BRDT: variants seen among roughly 807,000 people sequenced by gnomAD.
BRDT encodes bromodomain testis associated, also known as bromodomain testis-specific protein.
In BRDT, 77 loss-of-function variants were observed where a neutral mutation model predicts 113.9. The ratio of observed to expected loss-of-function variants is 0.68; its 90% CI spans 0.56 to 0.82. BRDT has a LOEUF of 0.82. BRDT is among the 40% of genes least tolerant of loss of function. The pLI is 0.00. For synonymous variants in BRDT, 358 were observed against 366.5 expected, an observed-to-expected ratio of 0.98 and a Z score of 0.26; for missense variants, 1,027 against 1,105.4, an observed-to-expected ratio of 0.93 and a Z score of 1.01.
chr1:92,006,141 C>T (rs1281980328), intron 18 of BRDT, among the ~76,000 whole-genome samples: 2 of 152,082 alleles, frequency 1.3e-5, no homozygotes, highest in East Asian at 3.9e-4. Flanking sequence ...TATTTTATGG[C>T]CTGGCTTATG....
intron 18 of BRDT, among the ~76,000 whole-genome samples, chr1:92,012,517 A>T (rs1687886435): frequency 6.6e-6 from 1 of 152,252 alleles, no homozygotes; most frequent in Non-Finnish European, 1.5e-5. Context: ...TGATATTTAA[A>T]CTAGGACAAC....
intron 14 of BRDT, among the ~76,000 whole-genome samples, chr1:91,993,370 G>A (rs188740472): frequency 2.4e-4 from 37 of 152,176 alleles, no homozygotes; most frequent in Non-Finnish European, 4.0e-4. Flanking sequence ...CTGTAACTTC[G>A]CTTGCCACAG....
chr1:91,974,666 A>G (rs999213514), intron 4 of BRDT, among the ~76,000 whole-genome samples: 1 of 152,156 alleles, frequency 6.6e-6, no homozygotes, highest in Non-Finnish European at 1.5e-5. Flanking sequence ...AAATAGGAAC[A>G]CTTTTACACT....
At chr1:91,991,849 G>A (rs1327461577) in intron 13 of BRDT, among the ~76,000 whole-genome samples, 4 of 67,498 alleles carry the variant, frequency 5.9e-5, no homozygotes, top group South Asian at 6.0e-4. Context: ...AAAATTAGCC[G>A]GGCATGGCGC....
chr1:92,012,755 A>G (rs940082479), intron 18 of BRDT, among the ~76,000 whole-genome samples: 3 of 151,514 alleles, frequency 2.0e-5, no homozygotes, highest in Admixed American at 6.6e-5. Flanking sequence ...TACTAAAACT[A>G]CAAGATTAGT....
chr1:91,983,544 A>C (rs10875107), intron 12 of BRDT, among the ~76,000 whole-genome samples: 1 of 152,116 alleles, frequency 6.6e-6, no homozygotes, highest in Admixed American at 6.5e-5. Flanking sequence ...ATTAGCCACC[A>C]CGCCTGGCCT....
intron 1 of BRDT, among the ~76,000 whole-genome samples, chr1:91,955,834 A>G (rs1482867464): frequency 1.3e-5 from 2 of 152,226 alleles, no homozygotes; most frequent in African/African-American, 4.8e-5. Flanking sequence ...CAGATTATCA[A>G]ATATTAGCTA....
At chr1:92,011,747 A>G (rs560801675) in intron 18 of BRDT, among the ~76,000 whole-genome samples, 43 of 152,346 alleles carry the variant, frequency 2.8e-4, no homozygotes, top group African/African-American at 7.5e-4. Context: ...ATGATGTTAC[A>G]TCTAGCAGCT....
intron 12 of BRDT, among the ~76,000 whole-genome samples, chr1:91,986,275 G>A (rs1289473613): frequency 6.6e-6 from 1 of 151,878 alleles, no homozygotes; most frequent in African/African-American, 2.4e-5. Context: ...TGATTTATAG[G>A]GAGCAATATA....
At position 92,014,371 on chromosome 1, in the gene BRDT, C is replaced by A. The variant is rs1004649046; in HGVS notation, c.*97C>A. ...TGCTTTCAGATAACAAGATACCAAT[C>A]TTATATTGTATTTTGACTGCTCTAA... On this transcript the variant is annotated 3_prime_UTR_variant, in exon 19 of 19. Coordinates refer to ENST00000399546, the MANE Select transcript of BRDT (RefSeq NM_207189.4). 1.5e-5 allele frequency: 12 copies of A among 786,414 alleles called. No homozygotes were observed. Among genetic ancestry groups the A allele is most frequent in the Admixed American group, 3.4e-5 (1 of 29,004 alleles). 48.7% of individuals were successfully genotyped at this position (786,414 alleles called of 1,614,324 possible). A position where few individuals can be genotyped will look rare whatever the true frequency, so the allele number is the denominator to read the frequency against.
intron 1 of BRDT, among the ~76,000 whole-genome samples, chr1:91,955,175 T>C (rs57053265): frequency 0.067 from 10,180 of 151,638 alleles, 404 homozygotes; most frequent in African/African-American, 0.097. Flanking sequence ...ATGAAAATTG[T>C]CTGGGTGCGG....
intron 15 of BRDT, 73 bp downstream of exon 15, chr1:91,994,327 T>C (rs1451462514): frequency 8.2e-7 from 1 of 1,220,302 alleles, no homozygotes; most frequent in Admixed American, 2.6e-5. Flanking sequence ...GAAAATGTTA[T>C]GGTCATCTTA....
chr1:91,982,626 G>A (rs912816480), intron 12 of BRDT, among the ~76,000 whole-genome samples: 1 of 152,070 alleles, frequency 6.6e-6, no homozygotes, highest in Non-Finnish European at 1.5e-5. Flanking sequence ...ATTATTAAAA[G>A]CATCCCTCTT....
At chr1:92,001,868 T>A (rs1686882376) in intron 15 of BRDT, among the ~76,000 whole-genome samples, 181 bp from the exon 16 acceptor site, 1 of 152,156 alleles carries the variant, frequency 6.6e-6, no homozygotes, top group African/African-American at 2.4e-5. Flanking sequence ...AACTTTCAAA[T>A]GAGAAATATT....
chr1:91,985,857 C>G (rs1037533742), intron 12 of BRDT, among the ~76,000 whole-genome samples: 2 of 151,736 alleles, frequency 1.3e-5, no homozygotes, highest in Non-Finnish European at 2.9e-5. Flanking sequence ...CCAGGATGGT[C>G]TCGATCTCCT....
chr1:91,983,408 G>C (rs1245539163), intron 12 of BRDT, among the ~76,000 whole-genome samples: 1 of 151,656 alleles, frequency 6.6e-6, no homozygotes, highest in Non-Finnish European at 1.5e-5. Flanking sequence ...GGGACTACAG[G>C]CACGCCCAGC....
At chr1:91,964,580 T>A in intron 2 of BRDT, 47 bp from the exon 3 acceptor site, 1 of 1,174,024 alleles carries the variant, frequency 8.5e-7, no homozygotes, top group Non-Finnish European at 1.2e-6. Context: ...TCAATAGTTG[T>A]AGTGTATTCA....
chr1:91,996,683 C>G (rs1277581653), intron 15 of BRDT, among the ~76,000 whole-genome samples: 1 of 152,186 alleles, frequency 6.6e-6, no homozygotes, highest in African/African-American at 2.4e-5. Flanking sequence ...CCAAAACTAA[C>G]ACAGCAACTG....
chr1:91,969,338 A>ATT (rs10625358), intron 4 of BRDT, among the ~76,000 whole-genome samples: 102,993 of 148,844 alleles, frequency 0.69, 36,307 homozygotes, highest in Middle Eastern at 0.77. Context: ...GCAGAGGTTG[A>ATT]TTTTTTTTTT....
Sources: gnomAD v4.1 joint callset for allele counts (sites outside exome capture counted in the v4.1 genomes callset) on GRCh38, gnomAD v4.1.1 for gene constraint, MANE v1.5 for transcripts, NCBI Gene and HGNC (gene_info 2026-07-23, HGNC 2026-07-21) for gene names.